TRAPPC9: variants seen among roughly 807,000 people sequenced by gnomAD.
TRAPPC9 encodes the protein trafficking protein particle complex subunit 9.
TRAPPC9 carries 83 observed loss-of-function variants against 124.0 expected under a neutral mutation model. The observed-to-expected ratio is 0.67, with a 90% CI of 0.56 to 0.80. The LOEUF is 0.80. Among genes scored for constraint, TRAPPC9 ranks in the 30% least tolerant of loss-of-function variants. The probability of loss-of-function intolerance (pLI) is 0.00; values close to 1 mark genes in which losing one functional copy is unlikely to be tolerated. For missense variants in TRAPPC9, 1,302 were observed against 1,508.3 expected (o/e 0.86, Z 2.27); for synonymous variants, 638 against 617.5 (o/e 1.03, Z -0.49).
At chr8:139,790,562 A>G (rs1380907803) in intron 21 of TRAPPC9, among the ~76,000 whole-genome samples, 3 of 152,130 alleles carry the variant, frequency 2.0e-5, no homozygotes, top group Non-Finnish European at 4.4e-5. Flanking sequence ...GCCCCTGGGG[A>G]GACACTTGGC....
chr8:140,397,253 C>T (rs2069121836), intron 7 of TRAPPC9, among the ~76,000 whole-genome samples: 1 of 152,188 alleles, frequency 6.6e-6, no homozygotes, highest in South Asian at 2.1e-4. Context: ...CTTTCACAAA[C>T]TGCATGTTTT....
intron 7 of TRAPPC9, among the ~76,000 whole-genome samples, chr8:140,396,973 A>C (rs1306025305): frequency 6.6e-6 from 1 of 152,086 alleles, no homozygotes; most frequent in Non-Finnish European, 1.5e-5. Flanking sequence ...CGCCCTCCTA[A>C]GTATCTGCTG....
Position 140,216,732 on chromosome 8 carries a change from C to T in TRAPPC9, c.2556+4727G>A, listed in dbSNP as rs1563853727. ...CCAGCCGCAGGTTCGGGAATGCCCT[C>T]TCCACTCTGGCCTGCTAGCTCACCC... On this transcript the variant is annotated intron_variant, in intron 17 of 22. Coordinates refer to ENST00000438773, the MANE Select transcript of TRAPPC9 (RefSeq NM_001160372.4). The surrounding 1 kb of genome is among the most constrained non-coding windows in gnomAD (Gnocchi z 4.1). 1.3e-5 allele frequency among the ~76,000 whole-genome samples: 2 copies of T among 152,202 alleles called. No individual in the cohort carries two copies. Among genetic ancestry groups the T allele is most frequent in the Non-Finnish European group, 2.9e-5 (2 of 68,024 alleles).
Position 139,910,769 on chromosome 8 carries a change from C to T in TRAPPC9, c.2811-469G>A, listed in dbSNP as rs545812290. ...CCATTTCCTTCTCAGGCCAGGTGGG[C>T]GTGCCCCTCCCACAGCCCCCCCTCA... On this transcript the variant is annotated intron_variant, in intron 19 of 22. Transcript: ENST00000438773. Among the ~76,000 whole-genome samples, 6 of 96,294 alleles carry T rather than the reference C, an allele frequency of 6.2e-5. No individual in the cohort carries two copies. In the South Asian group the frequency reaches 8.5e-4, roughly 14 times the overall value. 63.2% of individuals were successfully genotyped at this position (96,294 alleles called of 152,430 possible).
chr8:139,832,012 G>A (rs144233033), intron 21 of TRAPPC9, among the ~76,000 whole-genome samples: 13 of 152,256 alleles, frequency 8.5e-5, no homozygotes, highest in African/African-American at 3.1e-4. Flanking sequence ...GTGTCTCCAG[G>A]TTCCTGCTTC....
At chr8:140,161,316 T>C (rs988055973) in intron 17 of TRAPPC9, among the ~76,000 whole-genome samples, 1 of 152,162 alleles carries the variant, frequency 6.6e-6, no homozygotes, top group African/African-American at 2.4e-5. Flanking sequence ...ATGACGCAGC[T>C]AGCGTGCAGC....
At chr8:139,860,156 A>G (rs1193349548) in intron 21 of TRAPPC9, among the ~76,000 whole-genome samples, 1 of 152,214 alleles carries the variant, frequency 6.6e-6, no homozygotes, top group Admixed American at 6.5e-5. Context: ...ACAGTTGAAT[A>G]AATGATCCTC....
chr8:140,446,207 T>C (rs181214396), intron 2 of TRAPPC9, among the ~76,000 whole-genome samples: 30 of 151,380 alleles, frequency 2.0e-4, no homozygotes, highest in African/African-American at 7.3e-4. Context: ...AGCAGGAGAA[T>C]TGCTTCAACC....
intron 17 of TRAPPC9, among the ~76,000 whole-genome samples, chr8:140,031,604 C>G (rs1009743813): frequency 2.6e-5 from 4 of 152,174 alleles, no homozygotes; most frequent in Non-Finnish European, 4.4e-5. Flanking sequence ...AAGGCTGGGG[C>G]TCATTCCCCA....
At chr8:139,756,526 C>T (rs1819804230) in intron 21 of TRAPPC9, among the ~76,000 whole-genome samples, 1 of 142,788 alleles carries the variant, frequency 7.0e-6, no homozygotes, top group African/African-American at 2.7e-5. Flanking sequence ...ATGAGGACAG[C>T]AGGTCGCAGG....
chr8:140,452,476 T>C (rs1011317794), intron 1 of TRAPPC9, among the ~76,000 whole-genome samples: 1 of 150,824 alleles, frequency 6.6e-6, no homozygotes, highest in Non-Finnish European at 1.5e-5. Flanking sequence ...TATAAAACTG[T>C]ATCTAGATTG....
intron 15 of TRAPPC9, among the ~76,000 whole-genome samples, chr8:140,272,256 G>T (rs1372543988): frequency 6.9e-6 from 1 of 145,092 alleles, no homozygotes; most frequent in Non-Finnish European, 1.5e-5. Context: ...GTGGGGGTTG[G>T]GGTGGTGTTT....
rs373735463 is a variant in TRAPPC9 at position 140,443,253 on chromosome 8, A to G, written c.585-4056T>C. ...GATCGAGACCATCCTGGCTAACATG[A>G]TGAAACCCCGTCTCTACTAAAAAAT... On this transcript the variant is annotated intron_variant, in intron 2 of 22. Coordinates refer to ENST00000438773, the MANE Select transcript of TRAPPC9 (RefSeq NM_001160372.4). Among the ~76,000 whole-genome samples, 356 of 148,854 alleles carry G rather than the reference A, an allele frequency of 2.4e-3. 6 individuals are homozygous for G. The highest frequency in any genetic ancestry group is 0.018 in the East Asian group (91 of 4,934).
intron 9 of TRAPPC9, among the ~76,000 whole-genome samples, chr8:140,313,623 G>T (rs2066365231): frequency 1.3e-5 from 2 of 152,098 alleles, no homozygotes; most frequent in South Asian, 2.1e-4. Context: ...CCAGGTTGGG[G>T]ATGCCTCAAT....
intron 17 of TRAPPC9, among the ~76,000 whole-genome samples, chr8:140,069,754 C>A (rs1342591101): frequency 1.3e-5 from 2 of 152,134 alleles, no homozygotes; most frequent in Admixed American, 6.5e-5. Flanking sequence ...GTTCACCACA[C>A]CAAGCCGCCT....
chr8:139,876,932 G>A (rs914580241), intron 21 of TRAPPC9, among the ~76,000 whole-genome samples: 1 of 152,220 alleles, frequency 6.6e-6, no homozygotes, highest in Non-Finnish European at 1.5e-5. Flanking sequence ...TCTCCTCCAA[G>A]ATAAGGCAGA....
At chr8:140,124,293 T>A (rs959529409) in intron 17 of TRAPPC9, among the ~76,000 whole-genome samples, 2 of 152,158 alleles carry the variant, frequency 1.3e-5, no homozygotes, top group Non-Finnish European at 2.9e-5. Context: ...TTCTGGAGGC[T>A]GCCTGCTCTC....
At chr8:140,322,033 C>T (rs1405993594) in intron 9 of TRAPPC9, among the ~76,000 whole-genome samples, 2 of 152,200 alleles carry the variant, frequency 1.3e-5, no homozygotes, top group African/African-American at 4.8e-5. Context: ...GAAACCCCTC[C>T]AAGGCATCAG....
intron 15 of TRAPPC9, among the ~76,000 whole-genome samples, chr8:140,265,596 C>T (rs2064619488): frequency 6.6e-6 from 1 of 152,176 alleles, no homozygotes; most frequent in African/African-American, 2.4e-5. Flanking sequence ...CAGAATCCTA[C>T]ACAGTAATAT....
Sources: allele counts gnomAD v4.1 joint callset (sites outside exome capture counted in the v4.1 genomes callset), GRCh38; gene constraint gnomAD v4.1.1; non-coding constraint Gnocchi (gnomAD v3.1); transcripts MANE v1.5; gene names NCBI Gene and HGNC (gene_info 2026-07-23, HGNC 2026-07-21).